Variants in PPP6R3 observed in about 807,000 individuals in gnomAD.
PPP6R3 encodes serine/threonine-protein phosphatase 6 regulatory subunit 3.
Under a neutral mutation model 110.7 loss-of-function variants are expected in PPP6R3, and 38 were observed. The ratio of observed to expected loss-of-function variants is 0.34; its 90% CI spans 0.26 to 0.45. PPP6R3 has a LOEUF of 0.45. Ranked by LOEUF, PPP6R3 falls within the 20% of genes least tolerant of loss-of-function variation. PPP6R3 has a pLI of 1.00. For synonymous variants in PPP6R3, 369 were observed against 373.5 expected, an observed-to-expected ratio of 0.99 and a Z score of 0.14; for missense variants, 870 against 1,062.4, an observed-to-expected ratio of 0.82 and a Z score of 2.52.
At chr11:68,603,542 G>A (rs2099638264) in intron 22 of PPP6R3, 50 bp downstream of exon 22, 1 of 1,609,200 alleles carries the variant, frequency 6.2e-7, no homozygotes, top group Non-Finnish European at 8.5e-7. Flanking sequence ...TGGGAGGATG[G>A]TGGGGCAGAA....
At chr11:68,544,256 C>A (rs1484176575) in intron 3 of PPP6R3, among the ~76,000 whole-genome samples, 2 of 152,136 alleles carry the variant, frequency 1.3e-5, no homozygotes, top group Non-Finnish European at 2.9e-5. Flanking sequence ...CTGCTTCCTG[C>A]CTTGGTAGCC....
intron 7 of PPP6R3, among the ~76,000 whole-genome samples, chr11:68,555,913 T>C (rs937037123): frequency 1.3e-5 from 2 of 152,206 alleles, no homozygotes; most frequent in Non-Finnish European, 2.9e-5. Context: ...AACCAACCAC[T>C]TCTAATATTT....
chr11:68,546,050 T>TGTG, intron 4 of PPP6R3, among the ~76,000 whole-genome samples: 1 of 152,246 alleles, frequency 6.6e-6, no homozygotes, highest in Non-Finnish European at 1.5e-5. Flanking sequence ...TTGGGCCCAG[T>TGTG]GTGTCCTGTC....
At chr11:68,612,937 T>C in intron 23 of PPP6R3, 129 bp from the exon 24 acceptor site, 1 of 1,490,670 alleles carries the variant, frequency 6.7e-7, no homozygotes, top group South Asian at 1.3e-5. Flanking sequence ...TATCATTTTA[T>C]TAAAAACTTA....
At chr11:68,463,573 C>T (rs994244235) in intron 1 of PPP6R3, among the ~76,000 whole-genome samples, 3 of 151,906 alleles carry the variant, frequency 2.0e-5, no homozygotes, top group Non-Finnish European at 2.9e-5. Context: ...CAGTATTTTA[C>T]TAAATAAGAG....
intron 22 of PPP6R3, among the ~76,000 whole-genome samples, chr11:68,604,503 G>A (rs1938321696): frequency 6.6e-6 from 1 of 152,220 alleles, no homozygotes; most frequent in South Asian, 2.1e-4. Context: ...GAACCAGAAA[G>A]TGGGACCTAC....
chr11:68,518,148 G>A (rs550123211), intron 1 of PPP6R3, among the ~76,000 whole-genome samples: 10 of 152,248 alleles, frequency 6.6e-5, no homozygotes, highest in South Asian at 2.1e-4. Context: ...CTGGATGAAC[G>A]TTGTAAGAAC....
At chr11:68,487,348 TA>T (rs1312112415) in intron 1 of PPP6R3, among the ~76,000 whole-genome samples, 2 of 652 alleles carry the variant, frequency 3.1e-3, no homozygotes, top group Non-Finnish European at 5.3e-3. Context: ...AGCCCAGGAG[TA>T]TGAGGTTGCA....
chr11:68,473,940 G>A lies in PPP6R3; in HGVS notation c.-158+13113G>A, dbSNP rs2098810062. The stretch of plus-strand genomic sequence containing the variant: ...TAGGAGTGGAATTGTTGGATAATGT[G>A]GTAACTTTAACATTTTGAAGATTTG... On this transcript the variant is annotated intron_variant, in intron 1 of 23. Coordinates refer to ENST00000393800, the MANE Select transcript of PPP6R3 (RefSeq NM_001164161.2). Among the ~76,000 whole-genome samples the A allele has an allele frequency of 8.6e-5, 13 of 151,878 alleles. No individual in the cohort carries two copies. The South Asian group carries it at 2.7e-3, about 32-fold the overall frequency.
chr11:68,570,995 G>T, intron 11 of PPP6R3, 45 bp from the exon 12 acceptor site: 3 of 1,561,070 alleles, frequency 1.9e-6, no homozygotes, highest in South Asian at 2.4e-5. Flanking sequence ...TTAAAGTTTT[G>T]ATGCTTTGAA....
At chr11:68,528,977 A>G (rs1471783925) in intron 2 of PPP6R3, among the ~76,000 whole-genome samples, 1 of 152,202 alleles carries the variant, frequency 6.6e-6, no homozygotes, top group Non-Finnish European at 1.5e-5. Flanking sequence ...CAGCCTGCTT[A>G]TAAACTCGGC....
chr11:68,498,425 G>C (rs188194027), intron 1 of PPP6R3, among the ~76,000 whole-genome samples: 4 of 151,944 alleles, frequency 2.6e-5, no homozygotes, highest in Non-Finnish European at 5.9e-5. Flanking sequence ...ATAGAAATAC[G>C]GAAAAGTACA....
At chr11:68,506,224 G>T (rs2099075602) in intron 1 of PPP6R3, among the ~76,000 whole-genome samples, 1 of 149,998 alleles carries the variant, frequency 6.7e-6, no homozygotes, top group African/African-American at 2.4e-5. Context: ...TCTTACCTTG[G>T]CTTCCTGAAT....
chr11:68,523,158 G>A (rs538781438), intron 2 of PPP6R3, among the ~76,000 whole-genome samples: 6 of 152,200 alleles, frequency 3.9e-5, no homozygotes, highest in African/African-American at 1.2e-4. Context: ...AATTATTCCC[G>A]GAATCCCTAA....
At chr11:68,469,134 C>G (rs1334311419) in intron 1 of PPP6R3, among the ~76,000 whole-genome samples, 1 of 152,180 alleles carries the variant, frequency 6.6e-6, no homozygotes, top group Non-Finnish European at 1.5e-5. Context: ...TAAATGGTCT[C>G]TGCAAGGACT....
chr11:68,511,496 T>G (rs1296023160), intron 1 of PPP6R3, among the ~76,000 whole-genome samples: 1 of 75,958 alleles, frequency 1.3e-5, no homozygotes, highest in Non-Finnish European at 2.8e-5. Context: ...GTGTGTGTGT[T>G]TTGAGTTGGA....
intron 3 of PPP6R3, among the ~76,000 whole-genome samples, chr11:68,539,791 GA>G (rs1008114336): frequency 4.1e-4 from 62 of 152,348 alleles, no homozygotes; most frequent in African/African-American, 1.5e-3. Context: ...GACCTCTGGA[GA>G]AAAATGAAGC....
At chr11:68,561,130 A>AC (rs1363505176) in intron 8 of PPP6R3, among the ~76,000 whole-genome samples, 3 of 150,822 alleles carry the variant, frequency 2.0e-5, no homozygotes, top group South Asian at 4.2e-4. Flanking sequence ...CTTGTGATCC[A>AC]CCCCCCTCGG....
intron 1 of PPP6R3, among the ~76,000 whole-genome samples, chr11:68,516,961 T>C (rs1318129982): frequency 6.6e-6 from 1 of 152,142 alleles, no homozygotes; most frequent in Admixed American, 6.5e-5. Flanking sequence ...TCTGAAACTA[T>C]TCAGATTTTT....
Sources: gnomAD v4.1 joint callset for allele counts (sites outside exome capture counted in the v4.1 genomes callset) on GRCh38, gnomAD v4.1.1 for gene constraint, MANE v1.5 for transcripts, NCBI Gene and HGNC (gene_info 2026-07-23, HGNC 2026-07-21) for gene names.